The following GPC5 variants were observed in gnomAD, a reference collection of about 807,000 sequenced individuals.
GPC5 encodes glypican 5.
GPC5 carries 47 observed loss-of-function variants against 53.9 expected under a neutral mutation model. The ratio of observed to expected loss-of-function variants is 0.87; its 90% CI spans 0.69 to 1.11. The LOEUF (loss-of-function observed/expected upper bound fraction) is 1.11, where lower values mean the gene tolerates loss of function less well. Among genes scored for constraint, GPC5 ranks in the 50% most tolerant of loss-of-function variants. The pLI is 0.00. For missense variants in GPC5, 748 were observed against 713.1 expected (o/e 1.05, Z -0.56); for synonymous variants, 286 against 263.3 (o/e 1.09, Z -0.84).
chr13:91,938,980 C>G (rs997682038), intron 6 of GPC5, among the ~76,000 whole-genome samples: 41 of 151,700 alleles, frequency 2.7e-4, no homozygotes, highest in Non-Finnish European at 1.2e-4. Flanking sequence ...GCAATTGAAC[C>G]CTTTGTGATT....
At chr13:92,512,316 A>G (rs1880603866) in intron 7 of GPC5, among the ~76,000 whole-genome samples, 1 of 152,036 alleles carries the variant, frequency 6.6e-6, no homozygotes, top group Non-Finnish European at 1.5e-5. Flanking sequence ...ACTATTTCCG[A>G]GTCACCTTAA....
At chr13:91,595,460 T>C (rs1229891530) in intron 2 of GPC5, among the ~76,000 whole-genome samples, 1 of 152,246 alleles carries the variant, frequency 6.6e-6, no homozygotes, top group Non-Finnish European at 1.5e-5. Flanking sequence ...ATTTTTATTA[T>C]GCTTTTGTTC....
At chr13:92,280,918 C>T (rs1392565624) in intron 7 of GPC5, among the ~76,000 whole-genome samples, 1 of 152,102 alleles carries the variant, frequency 6.6e-6, no homozygotes, top group Non-Finnish European at 1.5e-5. Flanking sequence ...ATGGGTGCAG[C>T]CCAGCAAGCC....
intron 7 of GPC5, among the ~76,000 whole-genome samples, chr13:92,526,201 C>A (rs1881275299): frequency 6.6e-6 from 1 of 152,004 alleles, no homozygotes; most frequent in Admixed American, 6.6e-5. Flanking sequence ...ACATATAGAA[C>A]AATAAACATG....
intron 7 of GPC5, among the ~76,000 whole-genome samples, chr13:92,693,183 G>T (rs997107908): frequency 6.6e-6 from 1 of 152,006 alleles, no homozygotes; most frequent in African/African-American, 2.4e-5. Context: ...TTTTAAAATT[G>T]CCCAGTCTCA....
intron 7 of GPC5, among the ~76,000 whole-genome samples, chr13:92,584,359 C>T (rs532008754): frequency 1.3e-5 from 2 of 152,242 alleles, no homozygotes; most frequent in South Asian, 4.1e-4. Context: ...GTGACTCTTG[C>T]TATGTTTTAG....
intron 7 of GPC5, among the ~76,000 whole-genome samples, chr13:92,431,129 C>G (rs1427226674): frequency 6.6e-6 from 1 of 152,056 alleles, no homozygotes; most frequent in African/African-American, 2.4e-5. Flanking sequence ...ATATGTAAAC[C>G]ACAGAGTGTC....
At chr13:91,913,677 A>G (rs1453528491) in intron 6 of GPC5, among the ~76,000 whole-genome samples, 1 of 152,176 alleles carries the variant, frequency 6.6e-6, no homozygotes, top group Non-Finnish European at 1.5e-5. Flanking sequence ...CCTTGGCGAC[A>G]GAGGGGAGTC....
intron 5 of GPC5, among the ~76,000 whole-genome samples, chr13:91,857,965 C>T (rs1234934422): frequency 6.6e-6 from 1 of 151,436 alleles, no homozygotes; most frequent in South Asian, 2.1e-4. Flanking sequence ...CCACAGCAAA[C>T]CCCAGTTAAT....
chr13:91,783,724 G>A (rs751474753), intron 5 of GPC5, among the ~76,000 whole-genome samples: 4 of 152,114 alleles, frequency 2.6e-5, no homozygotes, highest in Non-Finnish European at 5.9e-5. Flanking sequence ...TTATAGTTAT[G>A]AGCCACTGTG....
chr13:92,160,595 T>C (rs1309922409), intron 7 of GPC5, among the ~76,000 whole-genome samples: 1 of 152,110 alleles, frequency 6.6e-6, no homozygotes, highest in Admixed American at 6.6e-5. Flanking sequence ...CCTTGAACCA[T>C]TAAGTCTTTG....
chr13:91,936,604 A>G (rs1237401440), intron 6 of GPC5, among the ~76,000 whole-genome samples: 2 of 152,078 alleles, frequency 1.3e-5, no homozygotes, highest in Non-Finnish European at 1.5e-5. Context: ...AGTCTACCAC[A>G]TAAGGGGATG....
intron 7 of GPC5, among the ~76,000 whole-genome samples, chr13:92,260,667 T>C (rs2042759970): frequency 6.6e-6 from 1 of 152,196 alleles, no homozygotes; most frequent in East Asian, 1.9e-4. Context: ...AGGAAATAAG[T>C]AGGGTGGGTT....
At chr13:92,218,340 T>A (rs1011025264) in intron 7 of GPC5, among the ~76,000 whole-genome samples, 4 of 152,210 alleles carry the variant, frequency 2.6e-5, no homozygotes, top group Non-Finnish European at 5.9e-5. Flanking sequence ...TAAGATTAGT[T>A]TCCCTTTTGC....
At chr13:91,766,590 C>T (rs1421417647) in intron 5 of GPC5, among the ~76,000 whole-genome samples, 1 of 152,156 alleles carries the variant, frequency 6.6e-6, no homozygotes, top group Admixed American at 6.5e-5. Flanking sequence ...AGGCCGGGCG[C>T]GGTGGCTCAT....
intron 2 of GPC5, among the ~76,000 whole-genome samples, chr13:91,684,415 G>A (rs1230044003): frequency 6.6e-6 from 1 of 152,032 alleles, no homozygotes; most frequent in Non-Finnish European, 1.5e-5. Context: ...CACAAACACG[G>A]AGCCGGCATA....
intron 6 of GPC5, among the ~76,000 whole-genome samples, chr13:92,031,877 A>G (rs1428639776): frequency 1.0e-5 from 1 of 98,656 alleles, no homozygotes; most frequent in East Asian, 2.9e-4. Context: ...TATATATAAC[A>G]TATATTTTAT....
chr13:92,457,211 G>A (rs186192782), intron 7 of GPC5, among the ~76,000 whole-genome samples: 1 of 152,172 alleles, frequency 6.6e-6, no homozygotes, highest in East Asian at 1.9e-4. Context: ...GATTCATAGT[G>A]TATAGGTATG....
At chr13:92,496,582 T>C (rs1438235877) in intron 7 of GPC5, among the ~76,000 whole-genome samples, 1 of 152,188 alleles carries the variant, frequency 6.6e-6, no homozygotes. Context: ...GGAATAGGTA[T>C]GCTTTAGTAG....
Sources: gnomAD v4.1 joint callset for allele counts (sites outside exome capture counted in the v4.1 genomes callset) on GRCh38, gnomAD v4.1.1 for gene constraint, MANE v1.5 for transcripts, NCBI Gene and HGNC (gene_info 2026-07-23, HGNC 2026-07-21) for gene names.